HELQ: variants seen among roughly 807,000 people sequenced by gnomAD.
HELQ encodes helicase POLQ-like.
In HELQ, 77 loss-of-function variants were observed where a neutral mutation model predicts 111.6. The ratio of observed to expected loss-of-function variants is 0.69; its 90% CI spans 0.57 to 0.83. The LOEUF is 0.83. Among genes scored for constraint, HELQ ranks in the 40% least tolerant of loss-of-function variants. The pLI, the probability that HELQ is intolerant of heterozygous loss-of-function variation, is 0.00. For synonymous variants in HELQ, 438 were observed against 454.7 expected, an observed-to-expected ratio of 0.96 and a Z score of 0.47; for missense variants, 1,200 against 1,288.5, an observed-to-expected ratio of 0.93 and a Z score of 1.05.
At chr4:83,445,873 T>C in intron 5 of HELQ, 141 bp downstream of exon 5, 1 of 581,512 alleles carries the variant, frequency 1.7e-6, no homozygotes, top group Middle Eastern at 4.4e-4. Context: ...CAAAATTCTA[T>C]TCATTAGAAA....
Position 83,407,488 on chromosome 4 carries a change from G to C in HELQ, c.3271C>G (p.Pro1091Ala), listed in dbSNP as rs773645187. 32 of 1,609,636 alleles carry C rather than the reference G, an allele frequency of 2.0e-5. No homozygotes were observed. The highest frequency in any genetic ancestry group is 2.7e-5 in the Non-Finnish European group (32 of 1,178,540). The change falls in exon 18 of 18, where the codon CCT (proline) becomes GCT (alanine). Residue 1091 changes from proline (P) to alanine (A), a missense_variant. Transcript: ENST00000295488. Reference sequence around the variant, plus strand: ...TCAGTGGAAGAAGCCACAGCACCAGGGAAATCAGAAGGCAATCTTAGTAAC... The same window carrying C: ...TCAGTGGAAGAAGCCACAGCACCAGCGAAATCAGAAGGCAATCTTAGTAAC... ...EELLRLPSDF[P>A]GAVASSTDKA
chr4:83,437,018 G>A lies in HELQ; in HGVS notation c.1888C>T (p.Pro630Ser). 1 of 1,614,010 alleles carries A rather than the reference G, an allele frequency of 6.2e-7. No homozygotes were observed. The highest frequency in any genetic ancestry group is 1.1e-5 in the South Asian group (1 of 91,072). ...AATGGGATAGTGCGCTTTAAAACAG[G>A]ACACAGGTTGCCATTGCCAATATTC... is the stretch of plus-strand genomic sequence containing the variant. The part of the protein sequence containing the change: ...LKNIGNGNLC[P>S]VLKRTIPFGV... Residue 630 changes from proline to serine, a missense_variant, in exon 9 of 18, where the codon CCT becomes TCT. Pro to Ser is a moderately conservative substitution (Grantham distance 74, BLOSUM62 -1). Around this residue, in one of 3 missense-constraint regions of HELQ, gnomAD observed 585 missense variants for 665.3 expected, o/e 0.88. Transcript: ENST00000295488.
At chr4:83,436,791 A>G in intron 9 of HELQ, 67 bp downstream of exon 9, 1 of 1,532,744 alleles carries the variant, frequency 6.5e-7, no homozygotes, top group East Asian at 2.3e-5. Flanking sequence ...AGCATAAAAC[A>G]ACAAAACTCC....
At chr4:83,440,934 TTAAA>T (rs1720724715) in intron 7 of HELQ, among the ~76,000 whole-genome samples, 1 of 152,244 alleles carries the variant, frequency 6.6e-6, no homozygotes, top group African/African-American at 2.4e-5. Context: ...TATTTCATTC[TTAAA>T]TAACCACAAC....
rs1055613289 is a variant in HELQ at position 83,436,844 on chromosome 4, T to C, written c.2048+14A>G. Reference sequence around the variant, plus strand: ...AAAAGTTCTGAGCCTGGTCAACACTTACTTATCTCTTACCTTCGAGCTGGT... The same window carrying C: ...AAAAGTTCTGAGCCTGGTCAACACTCACTTATCTCTTACCTTCGAGCTGGT... On this transcript the variant is annotated intron_variant, in intron 9 of 17. Transcript: ENST00000295488. 2.5e-6 allele frequency: 4 copies of C among 1,606,292 alleles called. No homozygotes were observed. The highest frequency in any genetic ancestry group is 2.5e-6 in the Non-Finnish European group (3 of 1,176,842).
rs1218776448 is a variant in HELQ, at chr4:83,455,598, G to C, written c.96C>G (p.Ala32=). ...TCCCCTCATCTCCGGGCACGAGCTC[G>C]GCCGCGGTGGGAGCGCCAAAAATAC... ...LGCIFGAPTA[A]ELVPGDEGKE... Residue 32 remains alanine (A), a synonymous_variant, in exon 1 of 18, where the codon GCC becomes GCG. Transcript: ENST00000295488. 5 of 1,614,018 alleles carry C rather than the reference G, an allele frequency of 3.1e-6. No individual in the cohort carries two copies. The highest frequency in any genetic ancestry group is 3.3e-4 in the Middle Eastern group (2 of 6,062).
rs369180524 is a variant in HELQ at position 83,455,626 on chromosome 4, C to T, written c.68G>A (p.Gly23Glu). The T allele has an allele frequency of 3.7e-6, 6 of 1,613,664 alleles. No individual in the cohort carries two copies. Among genetic ancestry groups the T allele is most frequent in the Non-Finnish European group, 5.1e-6 (6 of 1,180,000 alleles). Residue 23 changes from glycine (G) to glutamate (E), a missense_variant, in exon 1 of 18, where the codon GGG (glycine) becomes GAG (glutamate). Physicochemically the swap from Gly to Glu is moderately conservative, Grantham distance 98. This residue lies in a region of HELQ where 610 missense variants were observed against 607.1 expected (regional missense o/e 1.00). Coordinates refer to ENST00000295488, the MANE Select transcript of HELQ (RefSeq NM_133636.5). ...SLPKRNRPSL[G>E]CIFGAPTAAE... ...CGCGGTGGGAGCGCCAAAAATACAC[C>T]CCAAGCTTGGACGGTTCCTTTTGGG...
chr4:83,455,272 C>G, intron 1 of HELQ, 125 bp downstream of exon 1: 1 of 1,520,504 alleles, frequency 6.6e-7, no homozygotes, highest in Non-Finnish European at 8.8e-7. Flanking sequence ...TCAATACCTC[C>G]TAAGTGCCGA....
chr4:83,417,520 T>G (rs74287806), intron 16 of HELQ, among the ~76,000 whole-genome samples: 1 of 152,136 alleles, frequency 6.6e-6, no homozygotes, highest in African/African-American at 2.4e-5. Flanking sequence ...TATCTTTCAG[T>G]GTTCTCACCA....
At chr4:83,442,178 C>A (rs1028178241) in intron 6 of HELQ, among the ~76,000 whole-genome samples, 3 of 150,406 alleles carry the variant, frequency 2.0e-5, no homozygotes, top group African/African-American at 7.4e-5. Flanking sequence ...TTTATAATAA[C>A]AATAACAATG....
chr4:83,435,493 A>G (rs1720400363), intron 9 of HELQ, among the ~76,000 whole-genome samples: 1 of 152,076 alleles, frequency 6.6e-6, no homozygotes, highest in Non-Finnish European at 1.5e-5. Flanking sequence ...CAAAATACAG[A>G]TATCTTCAAC....
intron 15 of HELQ, among the ~76,000 whole-genome samples, chr4:83,420,386 C>A (rs950075173): frequency 1.3e-5 from 2 of 152,304 alleles, no homozygotes; most frequent in African/African-American, 4.8e-5. Flanking sequence ...GTAATCCCAG[C>A]ACTTTGGAAG....
chr4:83,447,028 C>A lies in HELQ; in HGVS notation c.1199G>T (p.Gly400Val), dbSNP rs1721082971. 8 of 1,608,612 alleles carry A rather than the reference C, an allele frequency of 5.0e-6. No individual in the cohort carries two copies. The highest frequency in any genetic ancestry group is 6.8e-6 in the Non-Finnish European group (8 of 1,175,548). The change falls in exon 4 of 18, where the codon GGT (glycine) becomes GTT (valine). Residue 400 changes from glycine to valine, a missense_variant. Around this residue, in one of 3 missense-constraint regions of HELQ, gnomAD observed 610 missense variants for 607.1 expected, o/e 1.00. Transcript: ENST00000295488. ...YVAIVQEKISGLSSFGIELGF... is the reference protein window; with the variant it reads ...YVAIVQEKISVLSSFGIELGF... ...GAGTTCTATACCAAAACTTGACAAA[C>A]CTGAAATCTAGAATATTAGTTAAAA...
rs144482938 is a variant in HELQ, at chr4:83,446,909, T to C, written c.1318A>G (p.Lys440Glu). 1.4e-4 allele frequency: 219 copies of C among 1,613,192 alleles called. No homozygotes were observed. The highest frequency in any genetic ancestry group is 1.8e-4 in the Non-Finnish European group (212 of 1,179,226). The change falls in exon 4 of 18, where the codon AAA becomes GAA. Residue 440 changes from lysine (K) to glutamate (E), a missense_variant. This residue lies in a region of HELQ where 610 missense variants were observed against 607.1 expected (regional missense o/e 1.00). Transcript: ENST00000295488. ...AAGGAGTTCACCAAGCTATGTCCTT[T>C]TTCAATAGTGGCAATATAGAGTGAT... ...KKSLYIATIE[K>E]GHSLVNSLIE...
chr4:83,408,301 G>A (rs1317576891), intron 17 of HELQ, among the ~76,000 whole-genome samples: 1 of 152,040 alleles, frequency 6.6e-6, no homozygotes, highest in East Asian at 1.9e-4. Context: ...CGCCTGGCTG[G>A]AGCACGGTGG....
chr4:83,441,104 T>C (rs1244104620), intron 7 of HELQ, among the ~76,000 whole-genome samples: 1 of 152,196 alleles, frequency 6.6e-6, no homozygotes, highest in Non-Finnish European at 1.5e-5. Flanking sequence ...TATGATGTCA[T>C]AGAAAAGAAT....
At chr4:83,434,625 G>A (rs1720349525) in intron 9 of HELQ, among the ~76,000 whole-genome samples, 1 of 151,878 alleles carries the variant, frequency 6.6e-6, no homozygotes, top group Non-Finnish European at 1.5e-5. Flanking sequence ...ACCATGCCCA[G>A]CTAAGTTTTT....
chr4:83,455,879 C>G, upstream of HELQ: 2 of 769,224 alleles, frequency 2.6e-6, no homozygotes, highest in East Asian at 5.0e-5. Flanking sequence ...TCATAAGCCT[C>G]ACGTGACCTG....
Position 83,429,569 on chromosome 4 carries a change from G to C in HELQ, c.2473C>G (p.Gln825Glu), listed in dbSNP as rs763940386. Residue 825 changes from glutamine (Q) to glutamate (E), a missense_variant, in exon 12 of 18, where the codon CAA becomes GAA. Around this residue, in one of 3 missense-constraint regions of HELQ, gnomAD observed 585 missense variants for 665.3 expected, o/e 0.88. Transcript: ENST00000295488. ...DTIYKSEEEV[Q>E]YNFHITKLGR... ...AACTTTGTAATATGAAAATTATATT[G>C]GACCTCTTCTTCAGACTTATAAATA... is the stretch of plus-strand genomic sequence containing the variant. 2 of 1,611,548 alleles carry C rather than the reference G, an allele frequency of 1.2e-6. No homozygotes were observed. The highest frequency in any genetic ancestry group is 1.7e-5 in the Admixed American group (1 of 59,964).
Sources: allele counts gnomAD v4.1 joint callset (sites outside exome capture counted in the v4.1 genomes callset), GRCh38; gene constraint gnomAD v4.1.1; regional missense constraint gnomAD v4.1.1; transcripts MANE v1.5; gene names NCBI Gene and HGNC (gene_info 2026-07-23, HGNC 2026-07-21).